The following CTNNA3 variants were observed in gnomAD, a reference collection of about 807,000 sequenced individuals.
The protein encoded by CTNNA3 is catenin alpha 3, also known as catenin alpha-3.
In CTNNA3, 76 loss-of-function variants were observed where a neutral mutation model predicts 95.7. That is an observed-to-expected ratio of 0.79 (90% CI 0.66 to 0.96). The LOEUF (loss-of-function observed/expected upper bound fraction) is 0.96, where lower values mean the gene tolerates loss of function less well. Among genes scored for constraint, CTNNA3 ranks in the 40% least tolerant of loss-of-function variants. The pLI is 0.00. For synonymous variants in CTNNA3, 431 were observed against 374.4 expected, an observed-to-expected ratio of 1.15 and a Z score of -1.74; for missense variants, 1,191 against 1,089.8, an observed-to-expected ratio of 1.09 and a Z score of -1.31.
intron 5 of CTNNA3, among the ~76,000 whole-genome samples, chr10:67,348,317 A>G (rs1842508996): frequency 6.6e-6 from 1 of 152,232 alleles, no homozygotes; most frequent in Non-Finnish European, 1.5e-5. Flanking sequence ...CAAAGGAGAA[A>G]GCTTCTGCAC....
intron 10 of CTNNA3, among the ~76,000 whole-genome samples, chr10:66,610,755 A>G (rs1844301044): frequency 6.6e-6 from 1 of 152,152 alleles, no homozygotes; most frequent in African/African-American, 2.4e-5. Flanking sequence ...GTACCATATG[A>G]TCCAGCAATC....
chr10:66,839,199 G>A (rs1380909866), intron 7 of CTNNA3, among the ~76,000 whole-genome samples: 1 of 152,140 alleles, frequency 6.6e-6, no homozygotes, highest in Non-Finnish European at 1.5e-5. Context: ...TTTTAGAGCT[G>A]AGCCTTTCAA....
chr10:67,046,130 C>T (rs556160331), intron 7 of CTNNA3, among the ~76,000 whole-genome samples: 3 of 152,088 alleles, frequency 2.0e-5, no homozygotes, highest in Non-Finnish European at 2.9e-5. Flanking sequence ...AGTCTGGACT[C>T]GGTTATCCAC....
intron 1 of CTNNA3, among the ~76,000 whole-genome samples, chr10:67,694,658 G>A (rs1370893159): frequency 6.6e-6 from 1 of 151,858 alleles, no homozygotes; most frequent in South Asian, 2.1e-4. Context: ...TGTAGAATAG[G>A]TAATATTCTG....
chr10:66,222,622 A>AAAAG lies in CTNNA3; in HGVS notation c.1884+57844_1884+57847dup, dbSNP rs147010411. Among the ~76,000 whole-genome samples, 273 of 65,280 alleles carry AAAAG rather than the reference A, an allele frequency of 4.2e-3. 1 individual carries two copies. Among genetic ancestry groups the AAAAG allele is most frequent in the African/African-American group, 0.01 (246 of 24,176 alleles). The allele number at this position is 65,280 out of a possible 152,430, so 42.8% of individuals were successfully genotyped here. ...AACGAAAGAAAGAAAGAAAGAAAGA[A>AAAAG]AAAGAAAGAAAGAAAGAAAGAAAAG... On this transcript the variant is annotated intron_variant, in intron 13 of 17. Transcript: ENST00000433211.
At chr10:66,207,629 A>G (rs1017484727) in intron 13 of CTNNA3, among the ~76,000 whole-genome samples, 26 of 152,060 alleles carry the variant, frequency 1.7e-4, no homozygotes, top group African/African-American at 5.3e-4. Context: ...CAATTCCAAC[A>G]TTTTTAAAAA....
intron 1 of CTNNA3, among the ~76,000 whole-genome samples, chr10:67,710,721 T>C (rs1841102615): frequency 6.6e-6 from 1 of 152,222 alleles, no homozygotes; most frequent in South Asian, 2.1e-4. Flanking sequence ...CTTTTCTTTA[T>C]CTTGCCTCTT....
intron 2 of CTNNA3, among the ~76,000 whole-genome samples, chr10:67,612,317 A>G (rs748095539): frequency 8.5e-5 from 13 of 152,230 alleles, no homozygotes; most frequent in Non-Finnish European, 1.6e-4. Flanking sequence ...CAGAATGATA[A>G]CTGTTTACAC....
chr10:66,069,416 T>C lies in CTNNA3; in HGVS notation c.2051A>G (p.Lys684Arg). 1 of 1,613,620 alleles carries C rather than the reference T, an allele frequency of 6.2e-7. No homozygotes were observed. The highest frequency in any genetic ancestry group is 8.5e-7 in the Non-Finnish European group (1 of 1,179,730). Residue 684 changes from lysine to arginine, a missense_variant, in exon 15 of 18, where the codon AAG becomes AGG. Physicochemically the swap from Lys to Arg is conservative, Grantham distance 26 (BLOSUM62 2). Coordinates refer to ENST00000433211, the MANE Select transcript of CTNNA3 (RefSeq NM_013266.4). ...CTCAATCTCAGCATCCAGCTTACTCTTTACTTTCTTGAAATCAGCAACTTG... is the reference window on the plus strand; with the variant it reads ...CTCAATCTCAGCATCCAGCTTACTCCTTACTTTCTTGAAATCAGCAACTTG... ...AEQVADFKKV[K>R]SKLDAEIEIW... is the part of the protein sequence containing the mutation.
At chr10:67,042,635 G>A (rs74141771) in intron 7 of CTNNA3, among the ~76,000 whole-genome samples, 37 of 151,912 alleles carry the variant, frequency 2.4e-4, no homozygotes, top group African/African-American at 8.7e-4. Flanking sequence ...TGGAAGAGAA[G>A]GAACGGAGGA....
intron 13 of CTNNA3, among the ~76,000 whole-genome samples, chr10:66,182,910 A>G (rs1210296919): frequency 2.0e-5 from 3 of 152,202 alleles, no homozygotes; most frequent in South Asian, 2.1e-4. Context: ...TGAACGTAAC[A>G]TTAAATGTGC....
At chr10:66,471,670 C>T (rs1839137367) in intron 11 of CTNNA3, among the ~76,000 whole-genome samples, 2 of 151,568 alleles carry the variant, frequency 1.3e-5, no homozygotes, top group South Asian at 4.2e-4. Flanking sequence ...ATATGCTTAC[C>T]TAGTGACATC....
At chr10:67,718,060 T>C (rs1319939171) in intron 1 of CTNNA3, among the ~76,000 whole-genome samples, 1 of 152,204 alleles carries the variant, frequency 6.6e-6, no homozygotes, top group Non-Finnish European at 1.5e-5. Context: ...TATTCCTAGA[T>C]ATTTCATTCA....
At chr10:66,056,607 ATTAT>A (rs923375471) in intron 15 of CTNNA3, among the ~76,000 whole-genome samples, 1 of 152,182 alleles carries the variant, frequency 6.6e-6, no homozygotes, top group Non-Finnish European at 1.5e-5. Context: ...TAGGATTGAC[ATTAT>A]TTATTTTTAA....
chr10:66,182,646 G>A (rs1446193016), intron 13 of CTNNA3, among the ~76,000 whole-genome samples: 5 of 152,056 alleles, frequency 3.3e-5, no homozygotes, highest in Admixed American at 2.0e-4. Context: ...GCATTCCAAT[G>A]TGTGGAATTT....
intron 6 of CTNNA3, among the ~76,000 whole-genome samples, chr10:67,180,876 A>T (rs947583019): frequency 6.6e-6 from 1 of 152,214 alleles, no homozygotes; most frequent in Non-Finnish European, 1.5e-5. Flanking sequence ...ATAAATGCTT[A>T]ATACACTGAC....
intron 13 of CTNNA3, among the ~76,000 whole-genome samples, chr10:66,226,337 C>G (rs964832269): frequency 6.6e-6 from 1 of 152,020 alleles, no homozygotes; most frequent in African/African-American, 2.4e-5. Flanking sequence ...ATTCTTTGCA[C>G]TTTTGTGAAA....
intron 5 of CTNNA3, among the ~76,000 whole-genome samples, chr10:67,471,433 C>T (rs532245870): frequency 1.3e-5 from 2 of 152,220 alleles, no homozygotes; most frequent in Non-Finnish European, 2.9e-5. Flanking sequence ...ACTTCAATGG[C>T]TTAAACTTCT....
intron 7 of CTNNA3, among the ~76,000 whole-genome samples, chr10:66,859,061 T>G (rs1843798449): frequency 6.6e-6 from 1 of 152,078 alleles, no homozygotes; most frequent in South Asian, 2.1e-4. Flanking sequence ...CAATCATTGT[T>G]ATGATGTTAA....
Sources: gnomAD v4.1 joint callset for allele counts (sites outside exome capture counted in the v4.1 genomes callset) on GRCh38, gnomAD v4.1.1 for gene constraint, MANE v1.5 for transcripts, NCBI Gene and HGNC (gene_info 2026-07-23, HGNC 2026-07-21) for gene names.